Variants in KIF16B observed in about 807,000 individuals in gnomAD.
KIF16B encodes the protein kinesin-like protein KIF16B.
KIF16B carries 98 observed loss-of-function variants against 156.3 expected under a neutral mutation model. The ratio of observed to expected loss-of-function variants is 0.63; its 90% CI spans 0.53 to 0.74. The LOEUF (loss-of-function observed/expected upper bound fraction) is 0.74, where lower values mean the gene tolerates loss of function less well. Among genes scored for constraint, KIF16B ranks in the 30% least tolerant of loss-of-function variants. The pLI is 0.00. For synonymous variants in KIF16B, 564 were observed against 583.7 expected (o/e 0.97, Z 0.49); for missense variants, 1,421 against 1,606.5 (o/e 0.88, Z 1.97).
chr20:16,356,181 A>T, intron 23 of KIF16B, 149 bp downstream of exon 23: 1 of 922,004 alleles, frequency 1.1e-6, no homozygotes, highest in Non-Finnish European at 1.7e-6. Context: ...CAAGAGTTTT[A>T]CAGACTGGTT....
intron 22 of KIF16B, chr20:16,367,790 G>C: frequency 1.2e-6 from 2 of 1,612,600 alleles, no homozygotes; most frequent in South Asian, 2.2e-5. Context: ...GCGGCATCAG[G>C]CTCTGGCATC....
intron 3 of KIF16B, among the ~76,000 whole-genome samples, chr20:16,516,567 A>G (rs988723031): frequency 6.6e-6 from 1 of 152,172 alleles, no homozygotes; most frequent in Non-Finnish European, 1.5e-5. Context: ...CCAAACAAGG[A>G]AGCTCTGTCA....
intron 23 of KIF16B, among the ~76,000 whole-genome samples, chr20:16,352,548 C>G (rs560100264): frequency 6.6e-6 from 1 of 152,196 alleles, no homozygotes; most frequent in Non-Finnish European, 1.5e-5. Flanking sequence ...CTTGAAATCA[C>G]ACGCCCTGTG....
Position 16,374,247 on chromosome 20 carries a change from T to C in KIF16B, c.3350+10A>G, listed in dbSNP as rs2064889743. The C allele has an allele frequency of 6.5e-7, 1 of 1,534,116 alleles. No homozygotes were observed. Among genetic ancestry groups the C allele is most frequent in the African/African-American group, 1.4e-5 (1 of 72,338 alleles). On this transcript the variant is annotated intron_variant, in intron 20 of 25. Coordinates refer to ENST00000354981, the MANE Select transcript of KIF16B (RefSeq NM_024704.5). ...AATGAGAAGCCTGGAATCACTTTCATGTCCAGTACCTGGCATCCATGAGGG... is the reference window on the plus strand; with the variant it reads ...AATGAGAAGCCTGGAATCACTTTCACGTCCAGTACCTGGCATCCATGAGGG...
intron 17 of KIF16B, chr20:16,382,148 A>T: frequency 7.6e-7 from 1 of 1,323,426 alleles, no homozygotes. Flanking sequence ...GGAGGTGGAG[A>T]GAGAGAGAGA....
Position 16,526,159 on chromosome 20 carries a change from G to T in KIF16B, c.164C>A (p.Thr55Asn), listed in dbSNP as rs547379869. 1 of 1,609,350 alleles carries T rather than the reference G, an allele frequency of 6.2e-7. No individual in the cohort carries two copies. The highest frequency in any genetic ancestry group is 1.3e-5 in the African/African-American group (1 of 74,886). The change falls in exon 3 of 26, where the codon ACC becomes AAC. Residue 55 changes from threonine (T) to asparagine (N), a missense_variant. Physicochemically the swap from Thr to Asn is moderately conservative, Grantham distance 65 (BLOSUM62 0). Coordinates refer to ENST00000354981, the MANE Select transcript of KIF16B (RefSeq NM_024704.5). ...TGDSGRERTK[T>N]FTYDFSFYSA... ...ATAAAAAGAAAAGTCATAGGTGAAGGTCTTGGTCCGTTCTCTTCCTGAGTC... is the reference window on the plus strand; with the variant it reads ...ATAAAAAGAAAAGTCATAGGTGAAGTTCTTGGTCCGTTCTCTTCCTGAGTC...
At chr20:16,391,366 C>T (rs865995091) in intron 17 of KIF16B, among the ~76,000 whole-genome samples, 2 of 152,164 alleles carry the variant, frequency 1.3e-5, no homozygotes, top group African/African-American at 2.4e-5. Flanking sequence ...GTGGTTCACT[C>T]GCCCATAATT....
At chr20:16,292,570 G>C (rs1037954740) in intron 25 of KIF16B, among the ~76,000 whole-genome samples, 1 of 152,174 alleles carries the variant, frequency 6.6e-6, no homozygotes, top group Non-Finnish European at 1.5e-5. Flanking sequence ...TGAAAAAGAG[G>C]GAGTTAGGGG....
intron 24 of KIF16B, among the ~76,000 whole-genome samples, chr20:16,330,752 G>T (rs569872845): frequency 6.6e-6 from 1 of 152,330 alleles, no homozygotes; most frequent in East Asian, 1.9e-4. Flanking sequence ...CAGCTGTCTG[G>T]TGGGAAGCCA....
rs1263495784 is a variant in KIF16B at position 16,356,430 on chromosome 20, C to T, written c.3521G>A (p.Gly1174Asp). The T allele has an allele frequency of 6.2e-7, 1 of 1,614,110 alleles. No individual in the cohort carries two copies. The highest frequency in any genetic ancestry group is 8.5e-7 in the Non-Finnish European group (1 of 1,179,990). Reference sequence around the variant, plus strand: ...GTCCTTCAGGTCATCTGGATTTGCGCCCAAAGAGCGAGAAACCATCCGCTA... The same window carrying T: ...GTCCTTCAGGTCATCTGGATTTGCGTCCAAAGAGCGAGAAACCATCCGCTA... Reference protein sequence around the residue: ...KYERMVSRSLGANPDDLKDPI... With the variant: ...KYERMVSRSLDANPDDLKDPI... Residue 1174 changes from glycine to aspartate, a missense_variant, in exon 23 of 26, where the codon GGC becomes GAC. Transcript: ENST00000354981.
chr20:16,289,873 CAAA>C (rs1435790982), intron 25 of KIF16B, among the ~76,000 whole-genome samples: 5 of 152,044 alleles, frequency 3.3e-5, no homozygotes, highest in Non-Finnish European at 7.4e-5. Flanking sequence ...TGTGTTAAAA[CAAA>C]GAAGAGTAAA....
chr20:16,509,757 T>A (rs1487949358), intron 6 of KIF16B, among the ~76,000 whole-genome samples: 1 of 152,238 alleles, frequency 6.6e-6, no homozygotes, highest in East Asian at 1.9e-4. Flanking sequence ...ATTTTTCCTA[T>A]TTTGTAATTA....
Position 16,461,771 on chromosome 20 carries a change from T to A in KIF16B, c.1303-31789A>T, listed in dbSNP as rs1219984455. ...AAAAGAAAGAAAACTCACAAAAATG[T>A]GCATTATATGCCCAAAAGAATTAGA... is the stretch of plus-strand genomic sequence containing the variant. On this transcript the variant is annotated intron_variant, in intron 12 of 25. Coordinates refer to ENST00000354981, the MANE Select transcript of KIF16B (RefSeq NM_024704.5). Among the ~76,000 whole-genome samples, 7 of 152,330 alleles carry A rather than the reference T, an allele frequency of 4.6e-5. No homozygotes were observed. In the South Asian group the frequency reaches 1.4e-3, roughly 32 times the overall value.
intron 1 of KIF16B, among the ~76,000 whole-genome samples, chr20:16,550,229 C>CA (rs565276916): frequency 2.8e-5 from 4 of 145,190 alleles, no homozygotes; most frequent in African/African-American, 1.0e-4. Flanking sequence ...TTTATGCAGC[C>CA]AAAAAACACA....
chr20:16,374,892 T>C (rs2064909295), intron 19 of KIF16B, among the ~76,000 whole-genome samples: 1 of 152,192 alleles, frequency 6.6e-6, no homozygotes, highest in Admixed American at 6.5e-5. Context: ...AGTGGGAATG[T>C]TGTCATTTGG....
At chr20:16,396,873 G>A (rs900332172) in intron 17 of KIF16B, among the ~76,000 whole-genome samples, 1 of 149,094 alleles carries the variant, frequency 6.7e-6, no homozygotes, top group African/African-American at 2.5e-5. Flanking sequence ...CTCCTTCAAT[G>A]GCTCACCAGA....
chr20:16,347,811 T>C (rs1035620486), intron 23 of KIF16B, among the ~76,000 whole-genome samples: 4 of 152,226 alleles, frequency 2.6e-5, no homozygotes, highest in Admixed American at 2.0e-4. Flanking sequence ...AGATAATCCA[T>C]CAGTTGCTAA....
At chr20:16,381,618 G>A in intron 18 of KIF16B, 76 bp downstream of exon 18, 2 of 1,093,214 alleles carry the variant, frequency 1.8e-6, no homozygotes, top group Non-Finnish European at 2.7e-6. Context: ...AGCAGACACA[G>A]ATGGAATCAG....
At chr20:16,479,360 G>A (rs1284858936) in intron 12 of KIF16B, among the ~76,000 whole-genome samples, 10 of 152,076 alleles carry the variant, frequency 6.6e-5, no homozygotes, top group Admixed American at 2.0e-4. Context: ...GACTGGAGGC[G>A]GCGGATGGGG....
Sources: gnomAD v4.1 joint callset for allele counts (sites outside exome capture counted in the v4.1 genomes callset) on GRCh38, gnomAD v4.1.1 for gene constraint, MANE v1.5 for transcripts, NCBI Gene and HGNC (gene_info 2026-07-23, HGNC 2026-07-21) for gene names.